Variants in PPARGC1A observed in about 807,000 individuals in gnomAD.
The protein encoded by PPARGC1A is PPARG coactivator 1 alpha, also known as peroxisome proliferator-activated receptor gamma coactivator 1-alpha.
In PPARGC1A, 25 loss-of-function variants were observed where a neutral mutation model predicts 88.7. That is an observed-to-expected ratio of 0.28 (90% confidence interval 0.21 to 0.39). The LOEUF (loss-of-function observed/expected upper bound fraction) is 0.39, where lower values mean the gene tolerates loss of function less well. Ranked by LOEUF, PPARGC1A falls within the 10% of genes least tolerant of loss-of-function variation. The pLI is 1.00. For missense variants in PPARGC1A, 880 were observed against 968.7 expected, an observed-to-expected ratio of 0.91 and a Z score of 1.22; for synonymous variants, 363 against 355.6, an observed-to-expected ratio of 1.02 and a Z score of -0.24.
At chr4:24,284,257 C>A in the PPARGC1A span, among the ~76,000 whole-genome samples, 100 of 152,022 alleles carry the variant, frequency 6.6e-4, no homozygotes, top group Admixed American at 2.0e-3. Context: ...TGCAATGAAC[C>A]GAGATCACGC....
intron 2 of PPARGC1A, among the ~76,000 whole-genome samples, chr4:23,840,430 A>T (rs930905441): frequency 6.6e-6 from 1 of 152,028 alleles, no homozygotes; most frequent in Non-Finnish European, 1.5e-5. Context: ...AGGCCTTTGC[A>T]CTTGCTGTTT....
chr4:24,399,017 G>A, the PPARGC1A span, among the ~76,000 whole-genome samples: 9 of 152,178 alleles, frequency 5.9e-5, no homozygotes, highest in African/African-American at 2.2e-4. Flanking sequence ...AGAGAATGTA[G>A]CCCTGCAAGG....
chr4:23,966,460 T>A, the PPARGC1A span, among the ~76,000 whole-genome samples: 1 of 152,214 alleles, frequency 6.6e-6, no homozygotes, highest in East Asian at 1.9e-4. Flanking sequence ...AGCTACCACA[T>A]GGACAGGGCA....
At chr4:24,194,636 A>G in the PPARGC1A span, among the ~76,000 whole-genome samples, 35 of 20,062 alleles carry the variant, frequency 1.7e-3, no homozygotes, top group Admixed American at 3.5e-3. Flanking sequence ...GCGCGCACAC[A>G]CACACACACA....
chr4:24,202,835 T>G, the PPARGC1A span, among the ~76,000 whole-genome samples: 1 of 152,122 alleles, frequency 6.6e-6, no homozygotes, highest in Non-Finnish European at 1.5e-5. Context: ...TCCCTGCCCC[T>G]ATTTCAGAAA....
chr4:24,422,706 AC>A, the PPARGC1A span, among the ~76,000 whole-genome samples: 1 of 152,182 alleles, frequency 6.6e-6, no homozygotes, highest in Non-Finnish European at 1.5e-5. Context: ...TAACCCAACA[AC>A]ACAATAATTT....
intron 1 of PPARGC1A, among the ~76,000 whole-genome samples, chr4:23,898,046 A>G (rs1321135332): frequency 6.6e-6 from 1 of 152,230 alleles, no homozygotes; most frequent in African/African-American, 2.4e-5. Context: ...AAATAAGAAT[A>G]AGGTCTACAG....
the PPARGC1A span, among the ~76,000 whole-genome samples, chr4:24,388,696 A>T: frequency 6.6e-6 from 1 of 152,172 alleles, no homozygotes; most frequent in Non-Finnish European, 1.5e-5. Flanking sequence ...GGAAGCCATC[A>T]TTCTCGGCAA....
At position 23,830,587 on chromosome 4, in the gene PPARGC1A, G is replaced by T. The variant is rs114651141; in HGVS notation, c.429+970C>A. Among the ~76,000 whole-genome samples the T allele has an allele frequency of 7.7e-3, 1,177 of 152,266 alleles. 11 individuals carry two copies. Among genetic ancestry groups the T allele is most frequent in the African/African-American group, 0.025 (1,020 of 41,550 alleles). Reference sequence around the variant, plus strand: ...CAAAATCCAATGGACTCAAAGTAGGGCCTCCATATATTTGCATAGAGTATT... The same window carrying T: ...CAAAATCCAATGGACTCAAAGTAGGTCCTCCATATATTTGCATAGAGTATT... On this transcript the variant is annotated intron_variant, in intron 3 of 12. Transcript: ENST00000264867.
chr4:24,017,254 A>T, the PPARGC1A span, among the ~76,000 whole-genome samples: 2 of 152,154 alleles, frequency 1.3e-5, no homozygotes, highest in Non-Finnish European at 2.9e-5. Flanking sequence ...TGGATCAAAG[A>T]AAAAAACCAG....
At chr4:24,310,540 T>C in the PPARGC1A span, among the ~76,000 whole-genome samples, 2 of 152,172 alleles carry the variant, frequency 1.3e-5, no homozygotes, top group Non-Finnish European at 2.9e-5. Context: ...AGCAAATCTC[T>C]AGTACCCTGA....
the PPARGC1A span, among the ~76,000 whole-genome samples, chr4:23,936,967 T>C: frequency 6.6e-6 from 1 of 152,012 alleles, no homozygotes; most frequent in Admixed American, 6.6e-5. Context: ...GTACTGAACA[T>C]GACAGGCATA....
At chr4:24,376,203 A>G in the PPARGC1A span, among the ~76,000 whole-genome samples, 3 of 152,220 alleles carry the variant, frequency 2.0e-5, no homozygotes, top group African/African-American at 4.8e-5. Flanking sequence ...TTTAGCACAC[A>G]TAAGCATATA....
the PPARGC1A span, among the ~76,000 whole-genome samples, chr4:24,214,365 A>G: frequency 0.024 from 3,731 of 152,314 alleles, 66 homozygotes; most frequent in Non-Finnish European, 0.035. Context: ...GGATTAAGGG[A>G]AGCTGGAGTG....
At chr4:23,829,225 G>A (rs575117341) in intron 4 of PPARGC1A, among the ~76,000 whole-genome samples, 1 of 152,304 alleles carries the variant, frequency 6.6e-6, no homozygotes, top group Admixed American at 6.5e-5. Context: ...AAGTGGGCAA[G>A]AACTAACAGA....
the PPARGC1A span, among the ~76,000 whole-genome samples, chr4:24,390,305 G>A: frequency 6.6e-6 from 1 of 151,960 alleles, no homozygotes; most frequent in Admixed American, 6.6e-5. Context: ...AACAAAAATG[G>A]TAGAATTTGT....
At chr4:24,321,926 G>A in the PPARGC1A span, among the ~76,000 whole-genome samples, 6 of 152,138 alleles carry the variant, frequency 3.9e-5, no homozygotes, top group East Asian at 1.2e-3. Flanking sequence ...GAAATAATCG[G>A]CCTCTGACCG....
the PPARGC1A span, among the ~76,000 whole-genome samples, chr4:24,367,265 A>G: frequency 6.6e-6 from 1 of 152,334 alleles, no homozygotes; most frequent in South Asian, 2.1e-4. Flanking sequence ...CTGCATTTCC[A>G]CCATCAGAGA....
the PPARGC1A span, among the ~76,000 whole-genome samples, chr4:23,913,382 G>C: frequency 6.6e-6 from 1 of 150,540 alleles, no homozygotes; most frequent in African/African-American, 2.4e-5. Context: ...CTATATGGCA[G>C]GAGTGATCAA....
Sources: allele counts gnomAD v4.1 joint callset (sites outside exome capture counted in the v4.1 genomes callset), GRCh38; gene constraint gnomAD v4.1.1; transcripts MANE v1.5; gene names NCBI Gene and HGNC (gene_info 2026-07-23, HGNC 2026-07-21).